The following C12orf56 variants were observed in gnomAD, a reference collection of about 807,000 sequenced individuals.
C12orf56 encodes the protein chromosome 12 open reading frame 56, also known as uncharacterized protein C12orf56.
C12orf56 carries 71 observed loss-of-function variants against 69.9 expected under a neutral mutation model. The observed-to-expected ratio is 1.02, with a 90% CI of 0.84 to 1.24. The LOEUF is 1.24. C12orf56 is among the 50% of genes most tolerant of loss of function. C12orf56 has a pLI of 0.00. For synonymous variants in C12orf56, 276 were observed against 274.1 expected (o/e 1.01, Z -0.07); for missense variants, 732 against 738.5 (o/e 0.99, Z 0.10).
At chr12:64,281,263 ACT>A (rs2038122314) in intron 8 of C12orf56, among the ~76,000 whole-genome samples, 1 of 149,326 alleles carries the variant, frequency 6.7e-6, no homozygotes, top group Admixed American at 6.7e-5. Flanking sequence ...ACAGAGCAAA[ACT>A]CTGTCTCAAA....
At position 64,385,825 on chromosome 12, in the gene C12orf56, A is replaced by T. The variant is rs188167799; in HGVS notation, c.252+4489T>A. The stretch of plus-strand genomic sequence containing the variant: ...CTCCTGCACAGCCTGCTCTGCATAA[A>T]TTACTCTTTCTCTATTGTGATTCCC... On this transcript the variant is annotated intron_variant, in intron 1 of 12. Coordinates refer to ENST00000543942, the MANE Select transcript of C12orf56 (RefSeq NM_001170633.2). 5.3e-5 allele frequency among the ~76,000 whole-genome samples: 8 copies of T among 152,170 alleles called. No homozygotes were observed. The East Asian group carries it at 7.7e-4, about 15-fold the overall frequency.
chr12:64,375,790 G>A (rs1187207203), intron 1 of C12orf56, among the ~76,000 whole-genome samples: 1 of 152,112 alleles, frequency 6.6e-6, no homozygotes, highest in Admixed American at 6.6e-5. Context: ...TTGTTCTAAA[G>A]TGTCATCTTC....
chr12:64,318,087 G>A (rs2038712630), intron 4 of C12orf56, among the ~76,000 whole-genome samples: 1 of 151,838 alleles, frequency 6.6e-6, no homozygotes, highest in South Asian at 2.1e-4. Flanking sequence ...TTGAGATGGA[G>A]TCTTCCTCTG....
chr12:64,377,617 C>T (rs2039659246), intron 1 of C12orf56, among the ~76,000 whole-genome samples: 1 of 152,126 alleles, frequency 6.6e-6, no homozygotes. Context: ...TTTATCTTAT[C>T]CGTTATTCTT....
chr12:64,368,261 C>A (rs1417230106), intron 1 of C12orf56, among the ~76,000 whole-genome samples: 2 of 152,156 alleles, frequency 1.3e-5, no homozygotes, highest in Non-Finnish European at 2.9e-5. Context: ...AGCCACCATG[C>A]CCAGCCTAAG....
rs760452951 is a variant in C12orf56 at position 64,313,274 on chromosome 12, A to AAAAGAAAGAAAGAAAGAAAGAAAGAAAG, written c.895-523_895-522insCTTTCTTTCTTTCTTTCTTTCTTTCTTT. 1.5e-3 allele frequency among the ~76,000 whole-genome samples: 119 copies of AAAAGAAAGAAAGAAAGAAAGAAAGAAAG among 81,422 alleles called. 1 individual carries two copies. The highest frequency in any genetic ancestry group is 1.9e-3 in the Admixed American group (13 of 6,830). 53.4% of individuals were successfully genotyped at this position (81,422 alleles called of 152,430 possible). On this transcript the variant is annotated intron_variant, in intron 4 of 12. Coordinates refer to ENST00000543942, the MANE Select transcript of C12orf56 (RefSeq NM_001170633.2). ...GAGACTCTGTCTCAAAAAAAAAAAA[A>AAAAGAAAGAAAGAAAGAAAGAAAGAAAG]AAAGAAAGAAAGAAAGAAAGAAAGA...
intron 9 of C12orf56, among the ~76,000 whole-genome samples, chr12:64,276,276 A>G (rs1441099979): frequency 1.3e-5 from 2 of 152,158 alleles, no homozygotes. Flanking sequence ...CTAGTTGGGG[A>G]ACAAACATCA....
chr12:64,303,388 C>T (rs1197974702), intron 6 of C12orf56, among the ~76,000 whole-genome samples: 1 of 149,992 alleles, frequency 6.7e-6, no homozygotes, highest in Non-Finnish European at 1.5e-5. Flanking sequence ...TCTGCCAACC[C>T]AATGCATGGC....
chr12:64,312,679 CT>C lies in C12orf56; in HGVS notation c.967del (p.Arg323GlyfsTer23). On this transcript the variant is annotated frameshift_variant and splice_region_variant, in exon 5 of 13. Transcript: ENST00000543942. LOFTEE classifies it high-confidence loss of function. Reference sequence around the variant, plus strand: ...TCTATCATACATCATCACTTCTTACCTATATGGCTTTTGACTTCCAATAGCA... The same window carrying C: ...TCTATCATACATCATCACTTCTTACCATATGGCTTTTGACTTCCAATAGCA... Reference protein sequence around the residue: ...SPAIGSQKPYRSEEKIKHFSQ... With the variant: ...SPAIGSQKPYXSEEKIKHFSQ... The C allele has an allele frequency of 6.5e-7, 1 of 1,531,824 alleles. No homozygotes were observed. The highest frequency in any genetic ancestry group is 8.8e-7 in the Non-Finnish European group (1 of 1,142,110). 94.9% of individuals were successfully genotyped at this position (1,531,824 alleles called of 1,614,324 possible).
chr12:64,344,865 G>A (rs935379894), intron 2 of C12orf56, among the ~76,000 whole-genome samples: 15 of 152,022 alleles, frequency 9.9e-5, no homozygotes, highest in Admixed American at 2.6e-4. Flanking sequence ...AGGCATTTCC[G>A]GCTCACTCAC....
Position 64,390,232 on chromosome 12 carries a change from G to A in C12orf56, c.252+82C>T. On this transcript the variant is annotated intron_variant, in intron 1 of 12. Coordinates refer to ENST00000543942, the MANE Select transcript of C12orf56 (RefSeq NM_001170633.2). ...AGGGCAGGATGGGGCAGCCCTCCCC[G>A]CGCAGGAGGGCTGGGTTTGGGGGCC... The A allele has an allele frequency of 6.8e-6, 10 of 1,462,018 alleles. No homozygotes were observed. The Admixed American group carries it at 2.2e-4, about 32-fold the overall frequency. 90.6% of individuals were successfully genotyped at this position (1,462,018 alleles called of 1,614,324 possible).
chr12:64,379,411 C>CAA (rs2039682321), intron 1 of C12orf56, among the ~76,000 whole-genome samples: 1 of 151,786 alleles, frequency 6.6e-6, no homozygotes, highest in Admixed American at 6.6e-5. Flanking sequence ...CAGCCTCCTG[C>CAA]GTAGCTGGGA....
chr12:64,309,778 T>G (rs2038580983), intron 5 of C12orf56, among the ~76,000 whole-genome samples: 1 of 152,200 alleles, frequency 6.6e-6, no homozygotes, highest in African/African-American at 2.4e-5. Context: ...CCCAAAGTGC[T>G]GGGATTATAG....
rs1565783078 is a variant in C12orf56 at position 64,380,123 on chromosome 12, A to AC, written c.252+10190_252+10191insG. On this transcript the variant is annotated intron_variant, in intron 1 of 12. Transcript: ENST00000543942. ...CCGTCGCAAAAAAAAAAAAAAAAAA[A>AC]AAAAAAAAAAACAAAACAAACAAAA... is the stretch of plus-strand genomic sequence containing the variant. 5.2e-3 allele frequency among the ~76,000 whole-genome samples: 481 copies of AC among 92,548 alleles called. 20 individuals carry two copies. The highest frequency in any genetic ancestry group is 0.016 in the African/African-American group (448 of 27,492). The allele number at this position is 92,548 out of a possible 152,430, so 60.7% of individuals were successfully genotyped here. A position where few individuals can be genotyped will look rare whatever the true frequency, so the allele number is the denominator to read the frequency against.
intron 5 of C12orf56, among the ~76,000 whole-genome samples, chr12:64,307,933 T>C (rs538020834): frequency 6.6e-6 from 1 of 152,238 alleles, no homozygotes; most frequent in East Asian, 1.9e-4. Flanking sequence ...GAAGGATTGC[T>C]TGAGCCCAGG....
At chr12:64,302,941 G>C (rs1012941582) in intron 6 of C12orf56, among the ~76,000 whole-genome samples, 1 of 152,138 alleles carries the variant, frequency 6.6e-6, no homozygotes, top group Admixed American at 6.5e-5. Context: ...TTTGAGACCA[G>C]ACTGGGCAAC....
intron 1 of C12orf56, among the ~76,000 whole-genome samples, chr12:64,371,233 C>A (rs1487966648): frequency 6.7e-6 from 1 of 149,524 alleles, no homozygotes; most frequent in Admixed American, 6.7e-5. Flanking sequence ...AAAACTGTCT[C>A]TACCAAAAAC....
chr12:64,308,951 G>GAAAGAAAGAAAGAAAGAAAGA (rs2038566744), intron 5 of C12orf56, among the ~76,000 whole-genome samples: 1 of 90,292 alleles, frequency 1.1e-5, no homozygotes, highest in Non-Finnish European at 2.3e-5. Context: ...AAGAAAGAAA[G>GAAAGAAAGAAAGAAAGAAAGA]AAAGAAAGAA....
intron 2 of C12orf56, among the ~76,000 whole-genome samples, chr12:64,341,230 T>C (rs1047908559): frequency 3.9e-5 from 6 of 152,146 alleles, no homozygotes; most frequent in Admixed American, 3.3e-4. Context: ...CAGAATGTAA[T>C]GTCATGGGAA....
Sources: allele counts gnomAD v4.1 joint callset (sites outside exome capture counted in the v4.1 genomes callset), GRCh38; gene constraint gnomAD v4.1.1; transcripts MANE v1.5; gene names NCBI Gene and HGNC (gene_info 2026-07-23, HGNC 2026-07-21).